Variants in SNTG1 observed in about 807,000 individuals in gnomAD.
SNTG1 encodes syntrophin gamma 1.
Under a neutral mutation model 74.7 loss-of-function variants are expected in SNTG1, and 39 were observed. The ratio of observed to expected loss-of-function variants is 0.52; its 90% CI spans 0.40 to 0.68. The LOEUF is 0.68. Ranked by LOEUF, SNTG1 falls within the 30% of genes least tolerant of loss-of-function variation. The pLI, the probability that SNTG1 is intolerant of heterozygous loss-of-function variation, is 0.00. For synonymous variants in SNTG1, 254 were observed against 217.1 expected (o/e 1.17, Z -1.49); for missense variants, 685 against 609.5 (o/e 1.12, Z -1.30).
At chr8:50,007,979 G>C (rs1815404784) in intron 1 of SNTG1, among the ~76,000 whole-genome samples, 1 of 151,968 alleles carries the variant, frequency 6.6e-6, no homozygotes. Context: ...AAAACCATCA[G>C]ATTTTGAACT....
intron 1 of SNTG1, among the ~76,000 whole-genome samples, chr8:50,138,578 T>C (rs1038855096): frequency 2.6e-5 from 4 of 151,230 alleles, no homozygotes; most frequent in South Asian, 2.1e-4. Flanking sequence ...TGAGCTGAGA[T>C]GGTTCCATTG....
At chr8:50,435,281 A>G (rs1211166146) in intron 4 of SNTG1, among the ~76,000 whole-genome samples, 1 of 152,184 alleles carries the variant, frequency 6.6e-6, no homozygotes, top group Non-Finnish European at 1.5e-5. Context: ...GTATAGGAGC[A>G]TCAGCCTGGA....
intron 15 of SNTG1, among the ~76,000 whole-genome samples, chr8:50,660,437 GAA>G (rs2095216164): frequency 8.1e-6 from 1 of 122,860 alleles, no homozygotes; most frequent in African/African-American, 2.9e-5. Context: ...AAGAAAGAAA[GAA>G]AGAGAAAAAA....
chr8:50,700,269 T>A lies in SNTG1; in HGVS notation c.1039-4331T>A, dbSNP rs187504182. ...TTATATATATATTATTACTTGCATA[T>A]AACTTGATAATGACTGCAACCGTAA... On this transcript the variant is annotated intron_variant, in intron 15 of 18. Coordinates refer to ENST00000642720, the MANE Select transcript of SNTG1 (RefSeq NM_018967.5). Among the ~76,000 whole-genome samples, 394 of 152,332 alleles carry A rather than the reference T, an allele frequency of 2.6e-3. 6 individuals are homozygous for A. Among genetic ancestry groups the A allele is most frequent in the Admixed American group, 0.022 (337 of 15,292 alleles).
At chr8:50,402,892 C>A (rs2092824817) in intron 4 of SNTG1, among the ~76,000 whole-genome samples, 1 of 152,196 alleles carries the variant, frequency 6.6e-6, no homozygotes, top group African/African-American at 2.4e-5. Context: ...AACCCATTGA[C>A]ACATTACACT....
chr8:50,280,206 A>G (rs999361092), intron 2 of SNTG1, among the ~76,000 whole-genome samples: 5 of 152,226 alleles, frequency 3.3e-5, no homozygotes, highest in Non-Finnish European at 7.3e-5. Flanking sequence ...AGTCCAGGAC[A>G]TGAGTTGGTG....
At chr8:50,512,491 G>C (rs967663443) in intron 9 of SNTG1, among the ~76,000 whole-genome samples, 1 of 152,142 alleles carries the variant, frequency 6.6e-6, no homozygotes, top group Admixed American at 6.5e-5. Context: ...AGTTCTCCTG[G>C]ATAATATCCT....
intron 8 of SNTG1, among the ~76,000 whole-genome samples, chr8:50,484,208 C>CTTT (rs2093769295): frequency 1.2e-5 from 1 of 86,554 alleles, no homozygotes; most frequent in Non-Finnish European, 2.2e-5. Flanking sequence ...TTCCTTCCTT[C>CTTT]CTTCCTTCTT....
In SNTG1 at chr8:50,284,096, A is replaced by G. The variant is rs186842970; in HGVS notation, c.-27-110116A>G. Among the ~76,000 whole-genome samples, 77 of 152,214 alleles carry G rather than the reference A, an allele frequency of 5.1e-4. 1 individual carries two copies. The South Asian group carries it at 8.3e-3, about 16-fold the overall frequency. ...TATTCATCTTGTCTGTAACGGTGTC[A>G]CAGACATTCTTTGGTTTTGATGACC... is the stretch of plus-strand genomic sequence containing the variant. On this transcript the variant is annotated intron_variant, in intron 2 of 18. Coordinates refer to ENST00000642720, the MANE Select transcript of SNTG1 (RefSeq NM_018967.5).
chr8:50,104,192 G>A (rs1053063815), intron 1 of SNTG1, among the ~76,000 whole-genome samples: 2 of 152,028 alleles, frequency 1.3e-5, no homozygotes, highest in Non-Finnish European at 2.9e-5. Flanking sequence ...ATCTGGTCTT[G>A]GACTCTTTTT....
chr8:50,168,567 A>G (rs977146018), intron 1 of SNTG1, among the ~76,000 whole-genome samples: 3 of 152,206 alleles, frequency 2.0e-5, no homozygotes, highest in African/African-American at 7.2e-5. Context: ...ATGCATGTGT[A>G]TATATATATG....
intron 1 of SNTG1, among the ~76,000 whole-genome samples, chr8:50,088,670 A>G (rs938825302): frequency 7.4e-6 from 1 of 135,654 alleles, no homozygotes; most frequent in Non-Finnish European, 1.7e-5. Context: ...TTCAAAGAGA[A>G]TAAAATACCT....
At chr8:50,362,550 T>C (rs534467155) in intron 2 of SNTG1, among the ~76,000 whole-genome samples, 11 of 152,232 alleles carry the variant, frequency 7.2e-5, no homozygotes, top group African/African-American at 2.6e-4. Context: ...AGGAATGATT[T>C]AGCACTCTAA....
At chr8:50,376,756 T>TATATATATATATATATATAGAGAGAG (rs1381048539) in intron 2 of SNTG1, among the ~76,000 whole-genome samples, 8 of 89,956 alleles carry the variant, frequency 8.9e-5, no homozygotes, top group Non-Finnish European at 1.6e-4. Flanking sequence ...TATATATATA[T>TATATATATATATATATATAGAGAGAG]AGAGAGAGAG....
At chr8:50,381,794 A>C (rs2092490233) in intron 2 of SNTG1, 1 of 139,576 alleles carries the variant, frequency 7.2e-6, no homozygotes, top group Non-Finnish European at 1.5e-5. Flanking sequence ...ATATATATAT[A>C]TCCTATTAGT....
intron 13 of SNTG1, among the ~76,000 whole-genome samples, chr8:50,629,679 C>A (rs1271296809): frequency 6.6e-6 from 1 of 152,070 alleles, no homozygotes; most frequent in Non-Finnish European, 1.5e-5. Flanking sequence ...ATAAAAGATT[C>A]TTTTGCTCTC....
Position 50,564,448 on chromosome 8 carries a change from A to G in SNTG1, c.810+11269A>G, listed in dbSNP as rs533235455. Among the ~76,000 whole-genome samples the G allele has an allele frequency of 1.4e-4, 21 of 152,234 alleles. No individual in the cohort carries two copies. The South Asian group carries it at 4.1e-3, about 30-fold the overall frequency. ...TTGCACCTCATGGTGGCAATAGTAA[A>G]TAAAATTCAAAGTTTGAATAGTTAT... On this transcript the variant is annotated intron_variant, in intron 12 of 18. Transcript: ENST00000642720.
intron 15 of SNTG1, among the ~76,000 whole-genome samples, chr8:50,680,692 C>A (rs2095327450): frequency 6.6e-6 from 1 of 152,106 alleles, no homozygotes; most frequent in Admixed American, 6.6e-5. Context: ...TGTTTACCAG[C>A]CCCTAATCTG....
At chr8:50,290,457 G>T (rs2089031984) in intron 2 of SNTG1, among the ~76,000 whole-genome samples, 1 of 152,128 alleles carries the variant, frequency 6.6e-6, no homozygotes, top group Non-Finnish European at 1.5e-5. Context: ...CAGAATGTGA[G>T]GCCTTTGCCG....
Sources: gnomAD v4.1 joint callset for allele counts (sites outside exome capture counted in the v4.1 genomes callset) on GRCh38, gnomAD v4.1.1 for gene constraint, MANE v1.5 for transcripts, NCBI Gene and HGNC (gene_info 2026-07-23, HGNC 2026-07-21) for gene names.